Variants in ASB3 observed in about 807,000 individuals in gnomAD.
ASB3 encodes the protein ankyrin repeat and SOCS box protein 3.
ASB3 carries 41 observed loss-of-function variants against 54.5 expected under a neutral mutation model. That is an observed-to-expected ratio of 0.75 (90% CI 0.59 to 0.98). The LOEUF (loss-of-function observed/expected upper bound fraction) is 0.98, where lower values mean the gene tolerates loss of function less well. Ranked by LOEUF, ASB3 falls within the 50% of genes least tolerant of loss-of-function variation. The pLI, the probability that ASB3 is intolerant of heterozygous loss-of-function variation, is 0.00. For synonymous variants in ASB3, 266 were observed against 221.2 expected, an observed-to-expected ratio of 1.20 and a Z score of -1.80; for missense variants, 733 against 620.0, an observed-to-expected ratio of 1.18 and a Z score of -1.94.
intron 9 of ASB3, among the ~76,000 whole-genome samples, chr2:53,692,298 A>C (rs1158793450): frequency 6.6e-6 from 1 of 152,210 alleles, no homozygotes; most frequent in African/African-American, 2.4e-5. Flanking sequence ...ATTTGTAGGA[A>C]AAATAACAAG....
rs185597586 is a variant in ASB3 at position 53,734,265 on chromosome 2, A to T, written c.356-4695T>A. 7.7e-4 allele frequency among the ~76,000 whole-genome samples: 118 copies of T among 152,312 alleles called. 1 individual carries two copies. Among genetic ancestry groups the T allele is most frequent in the African/African-American group, 2.3e-3 (95 of 41,572 alleles). On this transcript the variant is annotated intron_variant, in intron 3 of 9. Coordinates refer to ENST00000263634, the MANE Select transcript of ASB3 (RefSeq NM_016115.5). Reference sequence around the variant, plus strand: ...TTGTTCCTCATATTGTCTCTTCTCCAGTTTTTTCTCATCATTCCTTCTCTA... The same window carrying T: ...TTGTTCCTCATATTGTCTCTTCTCCTGTTTTTTCTCATCATTCCTTCTCTA...
At chr2:53,745,415 C>T (rs948095356) in intron 3 of ASB3, among the ~76,000 whole-genome samples, 3 of 152,168 alleles carry the variant, frequency 2.0e-5, no homozygotes, top group African/African-American at 7.2e-5. Context: ...ATTTTGATTC[C>T]TACTGCCATT....
At position 53,786,813 on chromosome 2, in the gene ASB3, T is replaced by C; in HGVS notation, c.-14+8A>G. 1 of 185,508 alleles carries C rather than the reference T, an allele frequency of 5.4e-6. No homozygotes were observed. Among genetic ancestry groups the C allele is most frequent in the Admixed American group, 5.8e-5 (1 of 17,226 alleles). The allele number at this position is 185,508 out of a possible 1,614,324, so 11.5% of individuals were successfully genotyped here. A position where few individuals can be genotyped will look rare whatever the true frequency, so the allele number is the denominator to read the frequency against. ...AGGAAGCGGCTGCCGCCTCCGAGAC[T>C]CACCGACCTGCCGTGCTGCCACTTC... On this transcript the variant is annotated splice_region_variant and intron_variant, in intron 1 of 9. Coordinates refer to ENST00000263634, the MANE Select transcript of ASB3 (RefSeq NM_016115.5).
chr2:53,773,427 CTTTTATTTATTTTTTA>C (rs918036940), intron 1 of ASB3, among the ~76,000 whole-genome samples: 1 of 151,412 alleles, frequency 6.6e-6, no homozygotes. Context: ...ACTGTATTGA[CTTTTATTTATTTTTTA>C]TTTTTTTGAG....
chr2:53,749,711 G>A (rs914879529), intron 3 of ASB3, among the ~76,000 whole-genome samples: 4 of 152,026 alleles, frequency 2.6e-5, no homozygotes, highest in African/African-American at 7.2e-5. Context: ...AGTCTCAAAG[G>A]CTATATGGTG....
intron 3 of ASB3, among the ~76,000 whole-genome samples, chr2:53,732,142 A>G (rs1671353594): frequency 6.6e-6 from 1 of 151,590 alleles, no homozygotes; most frequent in Non-Finnish European, 1.5e-5. Context: ...TATTTTTAGT[A>G]GAGACAAGGT....
chr2:53,693,852 G>C (rs1474592025), intron 9 of ASB3, 32 bp downstream of exon 9: 29 of 1,605,994 alleles, frequency 1.8e-5, no homozygotes, highest in Non-Finnish European at 2.4e-5. Context: ...AGGAAAAGTA[G>C]TGAAGTGTGT....
chr2:53,714,751 T>C (rs1228918074), intron 6 of ASB3, among the ~76,000 whole-genome samples, 170 bp from the exon 7 acceptor site: 1 of 152,194 alleles, frequency 6.6e-6, no homozygotes, highest in Admixed American at 6.5e-5. Context: ...ATGCTATATA[T>C]TTACTCCAGA....
At chr2:53,745,103 T>C (rs1211166570) in intron 3 of ASB3, among the ~76,000 whole-genome samples, 1 of 152,234 alleles carries the variant, frequency 6.6e-6, no homozygotes, top group African/African-American at 2.4e-5. Context: ...GAAATCTATT[T>C]CCTAAATATT....
At chr2:53,745,712 G>T (rs1410555171) in intron 3 of ASB3, among the ~76,000 whole-genome samples, 1 of 152,156 alleles carries the variant, frequency 6.6e-6, no homozygotes, top group African/African-American at 2.4e-5. Context: ...CATCAGGACA[G>T]GTCCTATAAC....
At chr2:53,722,370 T>C (rs900667857) in intron 5 of ASB3, among the ~76,000 whole-genome samples, 2 of 151,930 alleles carry the variant, frequency 1.3e-5, no homozygotes, top group Admixed American at 1.3e-4. Flanking sequence ...AAAGACACAA[T>C]GAAGAAAGAA....
At chr2:53,761,001 C>T (rs1431407927) in intron 2 of ASB3, among the ~76,000 whole-genome samples, 1 of 152,124 alleles carries the variant, frequency 6.6e-6, no homozygotes, top group Non-Finnish European at 1.5e-5. Context: ...ATCTAAACTG[C>T]ACGACCCCTA....
intron 7 of ASB3, among the ~76,000 whole-genome samples, chr2:53,706,200 T>C (rs1669759340): frequency 6.6e-6 from 1 of 152,210 alleles, no homozygotes. Context: ...CATCTGTGAC[T>C]CATCCAAGCC....
chr2:53,767,829 C>A, intron 1 of ASB3: 1 of 1,553,174 alleles, frequency 6.4e-7, no homozygotes, highest in South Asian at 1.2e-5. Context: ...GCTTCAGTCC[C>A]CGGCGGCGCG....
intron 2 of ASB3, among the ~76,000 whole-genome samples, chr2:53,753,296 C>G (rs964070021): frequency 3.3e-5 from 5 of 152,092 alleles, no homozygotes; most frequent in African/African-American, 1.2e-4. Context: ...TAGAGATTAA[C>G]AATTCTGAAA....
Position 53,700,293 on chromosome 2 carries a change from G to C in ASB3, c.1216C>G (p.Leu406Val), listed in dbSNP as rs1190067308. ...TACCAAGAATTGCACAGTAGAATCA[G>C]TGGGTCAAATCCAGCAACCAGAAGA... Reference protein sequence around the residue: ...PHLLVAGFDPLILLCNSWIDS... With the variant: ...PHLLVAGFDPVILLCNSWIDS... The change falls in exon 8 of 10, where the codon CTG (leucine) becomes GTG (valine). Residue 406 changes from leucine to valine, a missense_variant. Coordinates refer to ENST00000263634, the MANE Select transcript of ASB3 (RefSeq NM_016115.5). 5 of 1,613,862 alleles carry C rather than the reference G, an allele frequency of 3.1e-6. No individual in the cohort carries two copies. The highest frequency in any genetic ancestry group is 1.7e-5 in the Admixed American group (1 of 59,994).
At chr2:53,748,147 C>T (rs1362196693) in intron 3 of ASB3, 1 of 152,214 alleles carries the variant, frequency 6.6e-6, no homozygotes, top group African/African-American at 2.4e-5. Context: ...AAAACACCCA[C>T]ACAAGGCTTA....
intron 3 of ASB3, among the ~76,000 whole-genome samples, chr2:53,749,138 A>T (rs1672385463): frequency 6.6e-6 from 1 of 152,138 alleles, no homozygotes; most frequent in Non-Finnish European, 1.5e-5. Context: ...ATTTCAAAAC[A>T]AAACGTCTAA....
intron 1 of ASB3, among the ~76,000 whole-genome samples, chr2:53,766,152 C>T (rs1417264573): frequency 6.6e-6 from 1 of 152,200 alleles, no homozygotes; most frequent in Non-Finnish European, 1.5e-5. Context: ...CACTCAGATT[C>T]TCTATGCTTG....
Sources: gnomAD v4.1 joint callset for allele counts (sites outside exome capture counted in the v4.1 genomes callset) on GRCh38, gnomAD v4.1.1 for gene constraint, MANE v1.5 for transcripts, NCBI Gene and HGNC (gene_info 2026-07-23, HGNC 2026-07-21) for gene names.